Variants in B3GALT1 observed in about 807,000 individuals in gnomAD.
B3GALT1 encodes UDP-Gal:betaGlcNAc beta 1,3-galactosyltransferase, polypeptide 1.
B3GALT1 carries 10 observed loss-of-function variants against 23.2 expected under a neutral mutation model. The observed-to-expected ratio is 0.43, with a 90% CI of 0.27 to 0.73. B3GALT1 has a LOEUF of 0.73. Ranked by LOEUF, B3GALT1 falls within the 30% of genes least tolerant of loss-of-function variation. The pLI, the probability that B3GALT1 is intolerant of heterozygous loss-of-function variation, is 0.21. For synonymous variants in B3GALT1, 156 were observed against 141.5 expected, an observed-to-expected ratio of 1.10 and a Z score of -0.73; for missense variants, 299 against 405.4, an observed-to-expected ratio of 0.74 and a Z score of 2.25.
chr2:167,853,853 G>A (rs1399202444), intron 4 of B3GALT1, among the ~76,000 whole-genome samples: 1 of 152,076 alleles, frequency 6.6e-6, no homozygotes, highest in Non-Finnish European at 1.5e-5. Context: ...TTCACCTAGG[G>A]GGAGGGCGTG....
rs558749602 is a variant in B3GALT1, at chr2:167,870,161, T to C, written c.*141T>C. 3.7e-6 allele frequency: 3 copies of C among 821,602 alleles called. No homozygotes were observed. The East Asian group carries it at 8.1e-5, about 22-fold the overall frequency. The allele number at this position is 821,602 out of a possible 1,614,324, so 50.9% of individuals were successfully genotyped here. A position where few individuals can be genotyped will look rare whatever the true frequency, so the allele number is the denominator to read the frequency against. ...TGCTTCCTGCTATAAGTTCTTTTCT[T>C]GGATTACCAATTTATGAATGTTAGA... On this transcript the variant is annotated 3_prime_UTR_variant, in exon 5 of 5. Transcript: ENST00000392690.
chr2:167,581,743 TAAA>T (rs1289947811), intron 2 of B3GALT1, among the ~76,000 whole-genome samples: 2 of 152,222 alleles, frequency 1.3e-5, no homozygotes, highest in African/African-American at 4.8e-5. Context: ...CAGAGGCTGT[TAAA>T]AAACCATAAA....
chr2:167,435,049 A>G (rs952569908), intron 1 of B3GALT1, among the ~76,000 whole-genome samples: 3 of 152,096 alleles, frequency 2.0e-5, no homozygotes, highest in Non-Finnish European at 4.4e-5. Flanking sequence ...ATAATCCTTA[A>G]TGATTTTGAT....
At chr2:167,674,739 A>G (rs1257596111) in intron 3 of B3GALT1, among the ~76,000 whole-genome samples, 1 of 152,206 alleles carries the variant, frequency 6.6e-6, no homozygotes, top group East Asian at 1.9e-4. Context: ...AGAAAAATCA[A>G]GCTTTGTCTG....
intron 2 of B3GALT1, among the ~76,000 whole-genome samples, chr2:167,586,288 A>G (rs1684583974): frequency 6.6e-6 from 1 of 152,132 alleles, no homozygotes; most frequent in Admixed American, 6.5e-5. Flanking sequence ...CCCAATAATG[A>G]AAAAAGTCAT....
rs544890712 is a variant in B3GALT1 at position 167,509,407 on chromosome 2, T to C, written c.-410+19130T>C. Among the ~76,000 whole-genome samples, 12 of 152,142 alleles carry C rather than the reference T, an allele frequency of 7.9e-5. No homozygotes were observed. The South Asian group carries it at 2.5e-3, about 32-fold the overall frequency. On this transcript the variant is annotated intron_variant, in intron 2 of 4. Transcript: ENST00000392690. ...TTTTCTGGTTTCAGGAGCTTAACAC[T>C]AGTGGAAGGAGACTATATATATACA...
At chr2:167,463,932 G>A (rs1489280597) in intron 1 of B3GALT1, among the ~76,000 whole-genome samples, 3 of 152,126 alleles carry the variant, frequency 2.0e-5, no homozygotes, top group South Asian at 2.1e-4. Context: ...TCGTTGGCAA[G>A]GCCTGTCCAA....
At chr2:167,315,365 T>C (rs1034276961) in intron 1 of B3GALT1, among the ~76,000 whole-genome samples, 1 of 152,176 alleles carries the variant, frequency 6.6e-6, no homozygotes, top group Non-Finnish European at 1.5e-5. Flanking sequence ...CTAATTTTTT[T>C]TTTAGCTTGG....
chr2:167,711,346 T>C (rs1687045252), intron 3 of B3GALT1, among the ~76,000 whole-genome samples: 1 of 152,202 alleles, frequency 6.6e-6, no homozygotes, highest in Non-Finnish European at 1.5e-5. Context: ...TTGGTTTTCA[T>C]TGTAACCCAG....
At chr2:167,632,529 A>G (rs1409083061) in intron 2 of B3GALT1, among the ~76,000 whole-genome samples, 4 of 151,760 alleles carry the variant, frequency 2.6e-5, no homozygotes, top group Admixed American at 2.6e-4. Context: ...TTTGATTTGC[A>G]TTTCCCTAAT....
chr2:167,585,677 A>T (rs1684573993), intron 2 of B3GALT1, among the ~76,000 whole-genome samples: 2 of 152,178 alleles, frequency 1.3e-5, no homozygotes, highest in Admixed American at 1.3e-4. Flanking sequence ...TCTACTTCTA[A>T]ATTTATACCC....
intron 1 of B3GALT1, among the ~76,000 whole-genome samples, chr2:167,345,275 T>C (rs2105250955): frequency 6.6e-6 from 1 of 152,142 alleles, no homozygotes; most frequent in East Asian, 1.9e-4. Flanking sequence ...GCTCATGAAG[T>C]GTATGTAGGT....
chr2:167,466,390 G>T (rs1699345313), intron 1 of B3GALT1, among the ~76,000 whole-genome samples: 1 of 151,890 alleles, frequency 6.6e-6, no homozygotes, highest in African/African-American at 2.4e-5. Context: ...GGCTGAGGAG[G>T]GTGGATCACC....
intron 3 of B3GALT1, among the ~76,000 whole-genome samples, chr2:167,697,801 T>G (rs1297897082): frequency 1.3e-5 from 2 of 152,132 alleles, no homozygotes; most frequent in African/African-American, 4.8e-5. Flanking sequence ...AAGCATTGAT[T>G]AGGTTGATCC....
intron 1 of B3GALT1, among the ~76,000 whole-genome samples, chr2:167,328,807 T>C (rs1351746236): frequency 6.6e-6 from 1 of 152,124 alleles, no homozygotes; most frequent in Admixed American, 6.6e-5. Flanking sequence ...TATTACATTT[T>C]TCTACTTTTT....
At chr2:167,355,176 C>G (rs1454292736) in intron 1 of B3GALT1, among the ~76,000 whole-genome samples, 1 of 152,228 alleles carries the variant, frequency 6.6e-6, no homozygotes, top group Non-Finnish European at 1.5e-5. Context: ...ACCTCTTTCT[C>G]TTTTCAACAT....
intron 3 of B3GALT1, among the ~76,000 whole-genome samples, chr2:167,780,858 G>A (rs1421583875): frequency 6.6e-6 from 1 of 152,218 alleles, no homozygotes; most frequent in African/African-American, 2.4e-5. Flanking sequence ...TACACCAAGA[G>A]GGGTTCCTTT....
chr2:167,787,203 A>T (rs913958215), intron 3 of B3GALT1, among the ~76,000 whole-genome samples: 6 of 152,128 alleles, frequency 3.9e-5, no homozygotes, highest in Non-Finnish European at 8.8e-5. Flanking sequence ...CTCCATCCTA[A>T]CAGTGTTGCT....
intron 2 of B3GALT1, among the ~76,000 whole-genome samples, chr2:167,544,919 A>T (rs1443560302): frequency 6.7e-6 from 1 of 150,072 alleles, no homozygotes; most frequent in African/African-American, 2.4e-5. Flanking sequence ...ATGTACCCAG[A>T]GTGTGCAGCG....
Sources: allele counts gnomAD v4.1 joint callset (sites outside exome capture counted in the v4.1 genomes callset), GRCh38; gene constraint gnomAD v4.1.1; transcripts MANE v1.5; gene names NCBI Gene and HGNC (gene_info 2026-07-23, HGNC 2026-07-21).